Variants in CSMD1 observed in about 807,000 individuals in gnomAD.
The protein encoded by CSMD1 is CUB and sushi domain-containing protein 1.
In CSMD1, 213 loss-of-function variants were observed where a neutral mutation model predicts 417.5. The ratio of observed to expected loss-of-function variants is 0.51; its 90% CI spans 0.46 to 0.57. CSMD1 has a LOEUF of 0.57. CSMD1 is among the 20% of genes least tolerant of loss of function. The probability of loss-of-function intolerance (pLI) is 0.00; values close to 1 mark genes in which losing one functional copy is unlikely to be tolerated. For synonymous variants in CSMD1, 2,862 were observed against 1,736.8 expected (o/e 1.65, Z -16.11); for missense variants, 6,923 against 4,529.7 (o/e 1.53, Z -15.17).
At chr8:3,491,536 G>C (rs1206839968) in intron 11 of CSMD1, among the ~76,000 whole-genome samples, 1 of 152,170 alleles carries the variant, frequency 6.6e-6, no homozygotes, top group Non-Finnish European at 1.5e-5. Context: ...ATTAGTAATA[G>C]TTGGAATGGG....
At chr8:4,882,012 A>C (rs1193458192) in intron 1 of CSMD1, among the ~76,000 whole-genome samples, 1 of 152,074 alleles carries the variant, frequency 6.6e-6, no homozygotes, top group Non-Finnish European at 1.5e-5. Flanking sequence ...AGCCCTTCCA[A>C]CACTTATTTG....
intron 3 of CSMD1, among the ~76,000 whole-genome samples, chr8:4,243,897 A>T (rs901299294): frequency 8.5e-5 from 13 of 152,188 alleles, no homozygotes; most frequent in African/African-American, 2.7e-4. Flanking sequence ...TCCCATAAAC[A>T]CATTAGGTTA....
At chr8:4,152,696 GAAAA>G (rs200288278) in intron 3 of CSMD1, among the ~76,000 whole-genome samples, 2 of 143,508 alleles carry the variant, frequency 1.4e-5, no homozygotes, top group African/African-American at 5.1e-5. Flanking sequence ...TCTCAAAAAA[GAAAA>G]AAAAAATCCT....
intron 1 of CSMD1, among the ~76,000 whole-genome samples, chr8:4,973,220 T>C (rs774802861): frequency 1.9e-4 from 29 of 152,138 alleles, no homozygotes; most frequent in Admixed American, 3.3e-4. Context: ...CATCATATTA[T>C]TGAGAGAAAG....
chr8:4,987,439 G>C (rs62491284), intron 1 of CSMD1, among the ~76,000 whole-genome samples: 20,773 of 152,098 alleles, frequency 0.14, 1,726 homozygotes, highest in East Asian at 0.36. Flanking sequence ...TAATTCCATC[G>C]GGGTTCATGG....
chr8:3,830,929 T>G (rs546802370), intron 5 of CSMD1, among the ~76,000 whole-genome samples: 32 of 152,124 alleles, frequency 2.1e-4, no homozygotes, highest in Non-Finnish European at 4.0e-4. Flanking sequence ...CCTAAAATTA[T>G]TTCTTAAGTT....
intron 2 of CSMD1, among the ~76,000 whole-genome samples, chr8:4,521,838 A>G (rs547686076): frequency 6.6e-6 from 1 of 152,318 alleles, no homozygotes; most frequent in African/African-American, 2.4e-5. Flanking sequence ...CTCAAGCTCC[A>G]TGTAGGAGAA....
At chr8:3,702,273 T>A (rs1458425834) in intron 7 of CSMD1, 1 of 152,218 alleles carries the variant, frequency 6.6e-6, no homozygotes, top group Admixed American at 6.5e-5. Context: ...TCAGCTCATC[T>A]GAGTGAGCTA....
At chr8:4,223,262 C>T (rs1350720104) in intron 3 of CSMD1, among the ~76,000 whole-genome samples, 1 of 152,178 alleles carries the variant, frequency 6.6e-6, no homozygotes, top group African/African-American at 2.4e-5. Flanking sequence ...TATCAACTGA[C>T]ATTCTGAGCA....
At chr8:4,072,556 T>G (rs578024822) in intron 3 of CSMD1, among the ~76,000 whole-genome samples, 1 of 152,314 alleles carries the variant, frequency 6.6e-6, no homozygotes, top group South Asian at 2.1e-4. Flanking sequence ...ATTGTGCATA[T>G]TTTCATATAT....
At chr8:3,121,270 A>G (rs1817189035) in intron 41 of CSMD1, among the ~76,000 whole-genome samples, 1 of 152,186 alleles carries the variant, frequency 6.6e-6, no homozygotes, top group Non-Finnish European at 1.5e-5. Flanking sequence ...GTTAAAAAAA[A>G]TCCTTTATTT....
chr8:4,139,699 A>G (rs1230937200), intron 3 of CSMD1, among the ~76,000 whole-genome samples: 1 of 151,080 alleles, frequency 6.6e-6, no homozygotes, highest in Non-Finnish European at 1.5e-5. Flanking sequence ...TAGAATGATG[A>G]TTTTGGTGGG....
At chr8:4,873,102 C>T (rs1014046468) in intron 1 of CSMD1, among the ~76,000 whole-genome samples, 13 of 152,054 alleles carry the variant, frequency 8.5e-5, no homozygotes, top group African/African-American at 2.9e-4. Flanking sequence ...AACATGGTTA[C>T]CAAAATGAAG....
chr8:3,170,189 G>C (rs931413357), intron 37 of CSMD1, among the ~76,000 whole-genome samples: 1 of 152,154 alleles, frequency 6.6e-6, no homozygotes, highest in Non-Finnish European at 1.5e-5. Context: ...TTACAACTCC[G>C]AGTTTTATTT....
At chr8:2,943,837 C>T (rs557022847) in intron 68 of CSMD1, among the ~76,000 whole-genome samples, 8 of 152,262 alleles carry the variant, frequency 5.3e-5, no homozygotes, top group African/African-American at 1.9e-4. Flanking sequence ...TGAGAAGAAG[C>T]TCATCTGGTT....
At chr8:3,004,436 T>C (rs986339076) in intron 52 of CSMD1, among the ~76,000 whole-genome samples, 1 of 152,186 alleles carries the variant, frequency 6.6e-6, no homozygotes, top group African/African-American at 2.4e-5. Flanking sequence ...AGTGACCCAC[T>C]TTACTCTTAA....
chr8:3,287,069 A>G (rs1168848628), intron 25 of CSMD1, among the ~76,000 whole-genome samples: 1 of 152,096 alleles, frequency 6.6e-6, no homozygotes, highest in African/African-American at 2.4e-5. Context: ...AGCACCATTT[A>G]TTAAATAGGG....
At chr8:4,592,804 TAC>T (rs1337538221) in intron 2 of CSMD1, among the ~76,000 whole-genome samples, 10 of 152,226 alleles carry the variant, frequency 6.6e-5, no homozygotes, top group Non-Finnish European at 1.3e-4. Context: ...AATCTACCAA[TAC>T]ACGAAATATC....
intron 10 of CSMD1, among the ~76,000 whole-genome samples, chr8:3,499,213 C>A (rs1585257456): frequency 1.3e-5 from 2 of 152,284 alleles, no homozygotes; most frequent in East Asian, 3.9e-4. Context: ...TTGTATTCTG[C>A]ATGAGTACAG....
Sources: gnomAD v4.1 joint callset for allele counts (sites outside exome capture counted in the v4.1 genomes callset) on GRCh38, gnomAD v4.1.1 for gene constraint, MANE v1.5 for transcripts, NCBI Gene and HGNC (gene_info 2026-07-23, HGNC 2026-07-21) for gene names.